RIN2: variants seen among roughly 807,000 people sequenced by gnomAD.
The protein encoded by RIN2 is RAB5 interacting protein 2.
Under a neutral mutation model 78.0 loss-of-function variants are expected in RIN2, and 36 were observed. The ratio of observed to expected loss-of-function variants is 0.46; its 90% confidence interval spans 0.35 to 0.61. RIN2 has a LOEUF of 0.61. Among genes scored for constraint, RIN2 ranks in the 20% least tolerant of loss-of-function variants. RIN2 has a pLI of 0.00. For missense variants in RIN2, 1,087 were observed against 1,159.7 expected (o/e 0.94, Z 0.91); for synonymous variants, 466 against 466.8 (o/e 1.00, Z 0.02).
intron 2 of RIN2, among the ~76,000 whole-genome samples, chr20:19,858,125 T>TA (rs370595938): frequency 7.8e-4 from 118 of 151,406 alleles, no homozygotes; most frequent in South Asian, 6.7e-3. Context: ...TGTCTTTTTT[T>TA]AAAAAAAAAT....
chr20:19,953,373 C>A (rs1325873486), intron 4 of RIN2, among the ~76,000 whole-genome samples: 1 of 152,098 alleles, frequency 6.6e-6, no homozygotes, highest in Non-Finnish European at 1.5e-5. Context: ...TTCCAGTGAT[C>A]CAACCGCCTC....
intron 1 of RIN2, among the ~76,000 whole-genome samples, chr20:19,776,557 C>A (rs2034316835): frequency 6.6e-6 from 1 of 151,938 alleles, no homozygotes; most frequent in Non-Finnish European, 1.5e-5. Flanking sequence ...CATGGTGAAA[C>A]CCCATCTCTA....
intron 3 of RIN2, among the ~76,000 whole-genome samples, chr20:19,889,885 C>T (rs965665504): frequency 2.6e-5 from 4 of 152,136 alleles, no homozygotes; most frequent in Non-Finnish European, 5.9e-5. Context: ...GGAGAGGGGC[C>T]GTGCTGTGCA....
chr20:19,833,283 T>TTATATATATATATATATATATATA lies in RIN2; in HGVS notation c.-37+33549_-37+33550insATATATATATATATATATATATAT, dbSNP rs1031106258. Among the ~76,000 whole-genome samples, 1,104 of 150,758 alleles carry TTATATATATATATATATATATATA rather than the reference T, an allele frequency of 7.3e-3. 9 individuals are homozygous for TTATATATATATATATATATATATA. The highest frequency in any genetic ancestry group is 0.018 in the Admixed American group (273 of 15,050). ...CTATATATAGATAGATAGATATAGG[T>TTATATATATATATATATATATATA]TATATATATATATTTTAACTTTAAG... On this transcript the variant is annotated intron_variant, in intron 2 of 12. Coordinates refer to ENST00000255006, the MANE Select transcript of RIN2 (RefSeq NM_018993.4).
At chr20:19,816,958 C>T (rs980401106) in intron 2 of RIN2, among the ~76,000 whole-genome samples, 1 of 152,036 alleles carries the variant, frequency 6.6e-6, no homozygotes, top group Admixed American at 6.6e-5. Context: ...GTGATGAATA[C>T]AATATTGGCA....
chr20:19,958,544 A>T (rs2041630946), intron 5 of RIN2, among the ~76,000 whole-genome samples: 1 of 152,256 alleles, frequency 6.6e-6, no homozygotes, highest in Non-Finnish European at 1.5e-5. Flanking sequence ...GGGCCAGGAC[A>T]GGAGTAACGT....
At chr20:19,912,181 T>TTCTC (rs1268228039) in intron 3 of RIN2, among the ~76,000 whole-genome samples, 1 of 152,216 alleles carries the variant, frequency 6.6e-6, no homozygotes, top group Non-Finnish European at 1.5e-5. Context: ...CCAGACAAGT[T>TTCTC]TCTCATCTGA....
chr20:19,861,548 C>T (rs1303117685), intron 2 of RIN2, among the ~76,000 whole-genome samples: 1 of 151,888 alleles, frequency 6.6e-6, no homozygotes, highest in Non-Finnish European at 1.5e-5. Context: ...TGATCACCCT[C>T]CTTATCTGAT....
At chr20:19,963,356 G>A (rs561670529) in intron 6 of RIN2, among the ~76,000 whole-genome samples, 1 of 152,242 alleles carries the variant, frequency 6.6e-6, no homozygotes, top group Non-Finnish European at 1.5e-5. Context: ...GCTCACACCT[G>A]TAATCCCAGC....
chr20:19,868,415 GGACAA>G (rs1350713180), intron 2 of RIN2, among the ~76,000 whole-genome samples: 1 of 152,196 alleles, frequency 6.6e-6, no homozygotes. Context: ...GTATTTTATT[GGACAA>G]CGTTTTATTT....
At chr20:19,787,141 G>A (rs577461459) in intron 1 of RIN2, among the ~76,000 whole-genome samples, 2 of 152,242 alleles carry the variant, frequency 1.3e-5, no homozygotes, top group Non-Finnish European at 2.9e-5. Context: ...ACAAATGACT[G>A]TCTGGGCACA....
chr20:19,935,253 T>A, intron 4 of RIN2, 54 bp downstream of exon 4: 1 of 1,473,230 alleles, frequency 6.8e-7, no homozygotes, highest in Non-Finnish European at 9.3e-7. Flanking sequence ...GAGTGAACCC[T>A]GGCACTGCCA....
At chr20:19,764,943 T>TTTTTTTTTTTTTA (rs10686760) in intron 1 of RIN2, among the ~76,000 whole-genome samples, 1 of 132,608 alleles carries the variant, frequency 7.5e-6, no homozygotes, top group African/African-American at 2.8e-5. Context: ...TTTTTTTTTT[T>TTTTTTTTTTTTTA]GACAGAGTCT....
At chr20:19,935,443 C>T (rs769879045) in intron 4 of RIN2, 42 of 1,259,140 alleles carry the variant, frequency 3.3e-5, no homozygotes, top group Non-Finnish European at 3.9e-5. Context: ...CACCAGAACC[C>T]GGAAACCTAA....
chr20:19,801,563 C>T (rs546761490), intron 2 of RIN2, among the ~76,000 whole-genome samples: 5 of 152,256 alleles, frequency 3.3e-5, no homozygotes, highest in African/African-American at 4.8e-5. Flanking sequence ...CCTCGTGATC[C>T]GCCCGCCTCG....
At chr20:19,959,261 C>A (rs1348373650) in intron 5 of RIN2, among the ~76,000 whole-genome samples, 1 of 152,120 alleles carries the variant, frequency 6.6e-6, no homozygotes, top group East Asian at 1.9e-4. Context: ...CTGCAGTCCT[C>A]CAAAAAATAA....
At chr20:19,928,822 C>T (rs1195830415) in intron 3 of RIN2, among the ~76,000 whole-genome samples, 12 of 152,166 alleles carry the variant, frequency 7.9e-5, no homozygotes, top group Admixed American at 7.9e-4. Flanking sequence ...CTGGAAGTCC[C>T]CAGCCAGGCC....
At chr20:19,763,204 G>T (rs927979154) in intron 1 of RIN2, among the ~76,000 whole-genome samples, 1 of 152,102 alleles carries the variant, frequency 6.6e-6, no homozygotes, top group African/African-American at 2.4e-5. Context: ...GACCAACATG[G>T]TGAAACCCTG....
chr20:19,977,075 A>G (rs1291297656), intron 9 of RIN2, among the ~76,000 whole-genome samples: 1 of 152,186 alleles, frequency 6.6e-6, no homozygotes, highest in Non-Finnish European at 1.5e-5. Context: ...GAATATCCAC[A>G]CAGGCTGCCT....
Sources: gnomAD v4.1 joint callset for allele counts (sites outside exome capture counted in the v4.1 genomes callset) on GRCh38, gnomAD v4.1.1 for gene constraint, MANE v1.5 for transcripts, NCBI Gene and HGNC (gene_info 2026-07-23, HGNC 2026-07-21) for gene names.